PIGF: variants seen among roughly 807,000 people sequenced by gnomAD.
The protein encoded by PIGF is phosphatidylinositol glycan anchor biosynthesis class F.
A neutral mutation model predicts 26.0 loss-of-function variants in PIGF; 23 were observed. The observed-to-expected ratio is 0.88, with a 90% CI of 0.64 to 1.25. PIGF has a LOEUF of 1.25. PIGF is among the 50% of genes most tolerant of loss of function. The probability of loss-of-function intolerance (pLI) is 0.00; values close to 1 mark genes in which losing one functional copy is unlikely to be tolerated. For synonymous variants in PIGF, 93 were observed against 92.6 expected, an observed-to-expected ratio of 1.00 and a Z score of -0.03; for missense variants, 278 against 249.9, an observed-to-expected ratio of 1.11 and a Z score of -0.76.
At chr2:46,583,775 C>A (rs889865713) in intron 5 of PIGF, among the ~76,000 whole-genome samples, 9 of 152,110 alleles carry the variant, frequency 5.9e-5, no homozygotes, top group African/African-American at 2.2e-4. Flanking sequence ...GGGAAATAAA[C>A]TGCTTCAAAA....
intron 4 of PIGF, among the ~76,000 whole-genome samples, chr2:46,601,094 CCTTT>C (rs1364723476): frequency 2.0e-5 from 3 of 151,750 alleles, no homozygotes; most frequent in African/African-American, 4.8e-5. Flanking sequence ...TAGGTAAATT[CCTTT>C]CTATTAACTA....
At chr2:46,603,211 A>C (rs1670113769) in intron 4 of PIGF, among the ~76,000 whole-genome samples, 1 of 152,102 alleles carries the variant, frequency 6.6e-6, no homozygotes, top group Non-Finnish European at 1.5e-5. Flanking sequence ...GAAATTGAAG[A>C]GGACACAAAA....
chr2:46,608,549 T>G (rs898625531), intron 4 of PIGF, among the ~76,000 whole-genome samples: 1 of 152,230 alleles, frequency 6.6e-6, no homozygotes, highest in African/African-American at 2.4e-5. Flanking sequence ...TCAATTTACT[T>G]TTTCCAAATC....
chr2:46,616,853 G>C (rs1362699400), intron 1 of PIGF, 117 bp downstream of exon 1: 5 of 309,018 alleles, frequency 1.6e-5, no homozygotes, highest in Non-Finnish European at 2.5e-5. Context: ...GAGTGGCGCT[G>C]AGCTGACGGC....
chr2:46,613,028 G>A (rs778033180), intron 3 of PIGF, among the ~76,000 whole-genome samples: 2 of 142,148 alleles, frequency 1.4e-5, no homozygotes, highest in East Asian at 2.0e-4. Context: ...GTGTGTGTAC[G>A]TAAAACTATG....
At chr2:46,595,859 A>G (rs1572773589) in intron 4 of PIGF, among the ~76,000 whole-genome samples, 1 of 152,224 alleles carries the variant, frequency 6.6e-6, no homozygotes, top group Non-Finnish European at 1.5e-5. Context: ...ATTCTTAAAT[A>G]TCAAACTAAG....
chr2:46,615,391 C>G (rs976044147), intron 1 of PIGF: 34 of 379,014 alleles, frequency 9.0e-5, no homozygotes, highest in Non-Finnish European at 1.5e-4. Flanking sequence ...GTACAAACAT[C>G]TCTCAGAGCC....
intron 4 of PIGF, among the ~76,000 whole-genome samples, chr2:46,601,679 C>T (rs942782292): frequency 2.0e-5 from 3 of 151,970 alleles, no homozygotes; most frequent in African/African-American, 7.2e-5. Flanking sequence ...AAATTATCTA[C>T]TTTTTATATG....
At chr2:46,593,643 T>C (rs912618454) in intron 4 of PIGF, among the ~76,000 whole-genome samples, 1 of 152,320 alleles carries the variant, frequency 6.6e-6, no homozygotes, top group Non-Finnish European at 1.5e-5. Flanking sequence ...CTGGCCCTCA[T>C]AGGGTGAACA....
chr2:46,594,343 G>T (rs992182704), intron 4 of PIGF, among the ~76,000 whole-genome samples: 5 of 152,112 alleles, frequency 3.3e-5, no homozygotes, highest in African/African-American at 1.2e-4. Flanking sequence ...ACTTTCTGTT[G>T]GGAAGAATTC....
In PIGF at chr2:46,617,028, G is replaced by C. The variant is rs1038997346; in HGVS notation, c.-80C>G. On this transcript the variant is annotated 5_prime_UTR_variant, in exon 1 of 6. Transcript: ENST00000281382. The stretch of plus-strand genomic sequence containing the variant: ...ACTACTGCCTCCTACCATCAGGTAC[G>C]ACGGGCGGCCCAGGCCCACGCGCAG... 8.5e-6 allele frequency: 5 copies of C among 587,346 alleles called. No homozygotes were observed. The highest frequency in any genetic ancestry group is 7.6e-5 in the African/African-American group (4 of 52,940). 36.4% of individuals were successfully genotyped at this position (587,346 alleles called of 1,614,324 possible).
Position 46,588,288 on chromosome 2 carries a change from A to G in PIGF, c.546+4187T>C. On this transcript the variant is annotated intron_variant, in intron 5 of 5. Transcript: ENST00000281382. This position sits in a 1 kb window ranked among gnomAD's most constrained non-coding sequence, Gnocchi z 4.1. ...TTAACAGTCCACTCTACCAACTGAAAGACTGCTGGGCAGAAAAAATAAAAC... is the reference window on the plus strand; with the variant it reads ...TTAACAGTCCACTCTACCAACTGAAGGACTGCTGGGCAGAAAAAATAAAAC... The G allele has an allele frequency of 7.2e-7, 1 of 1,381,574 alleles. No individual in the cohort carries two copies. The highest frequency in any genetic ancestry group is 9.7e-7 in the Non-Finnish European group (1 of 1,031,034). The allele number at this position is 1,381,574 out of a possible 1,614,324, so 85.6% of individuals were successfully genotyped here.
At chr2:46,600,403 A>C (rs1004189354) in intron 4 of PIGF, among the ~76,000 whole-genome samples, 23 of 152,342 alleles carry the variant, frequency 1.5e-4, no homozygotes, top group African/African-American at 5.3e-4. Context: ...TATATGGAAC[A>C]AAGATATACC....
At chr2:46,597,641 A>T (rs1236429491) in intron 4 of PIGF, among the ~76,000 whole-genome samples, 1 of 152,006 alleles carries the variant, frequency 6.6e-6, no homozygotes, top group Non-Finnish European at 1.5e-5. Flanking sequence ...CGAACTCCTG[A>T]CCTCAAATGA....
rs992091548 is a variant in PIGF at position 46,589,851 on chromosome 2, C to T, written c.546+2624G>A. Among the ~76,000 whole-genome samples the T allele has an allele frequency of 4.0e-5, 6 of 151,836 alleles. No individual in the cohort carries two copies. Among genetic ancestry groups the T allele is most frequent in the Admixed American group, 1.3e-4 (2 of 15,252 alleles). ...ATAACAATAACAAAAAAACAAACAA[C>T]CTTGTTTGCTGGAAATAAAAAGTGA... On this transcript the variant is annotated intron_variant, in intron 5 of 5. Coordinates refer to ENST00000281382, the MANE Select transcript of PIGF (RefSeq NM_002643.4). This position sits in a 1 kb window ranked among gnomAD's most constrained non-coding sequence, Gnocchi z 4.7.
chr2:46,615,933 T>C (rs1349127915), intron 1 of PIGF: 1 of 152,326 alleles, frequency 6.6e-6, no homozygotes. Flanking sequence ...TGACTAATTG[T>C]ACTGCTAAAC....
intron 5 of PIGF, among the ~76,000 whole-genome samples, chr2:46,587,439 G>GA (rs5830909): frequency 0.011 from 1,644 of 144,544 alleles, 19 homozygotes; most frequent in African/African-American, 0.035. Context: ...TGGTAAAACT[G>GA]AAAAAAAAAA....
At chr2:46,596,486 T>C (rs1330320688) in intron 4 of PIGF, among the ~76,000 whole-genome samples, 13 of 152,154 alleles carry the variant, frequency 8.5e-5, no homozygotes, top group Admixed American at 8.5e-4. Flanking sequence ...AGCTTGTTTT[T>C]AAAGTAAAAA....
At chr2:46,604,486 A>C (rs1670157328) in intron 4 of PIGF, among the ~76,000 whole-genome samples, 1 of 152,052 alleles carries the variant, frequency 6.6e-6, no homozygotes, top group African/African-American at 2.4e-5. Flanking sequence ...TGGATTAAAA[A>C]AAAAAAGTGA....
Sources: allele counts gnomAD v4.1 joint callset (sites outside exome capture counted in the v4.1 genomes callset), GRCh38; gene constraint gnomAD v4.1.1; non-coding constraint Gnocchi (gnomAD v3.1); transcripts MANE v1.5; gene names NCBI Gene and HGNC (gene_info 2026-07-23, HGNC 2026-07-21).